The following SPMAP2 variants were observed in gnomAD, a reference collection of about 807,000 sequenced individuals.
SPMAP2 encodes the protein Theg homolog.
the SPMAP2 span, chr19:367,044 T>C: frequency 6.2e-7 from 1 of 1,612,536 alleles, no homozygotes; most frequent in South Asian, 1.1e-5. Flanking sequence ...AGGAAATGCC[T>C]AGCCTGAGGC....
At chr19:372,670 C>T in the SPMAP2 span, 88 of 1,613,932 alleles carry the variant, frequency 5.5e-5, no homozygotes, top group African/African-American at 1.2e-4. Context: ...TCTCTTGGGC[C>T]GAGACAGTTC....
chr19:367,012 C>G, the SPMAP2 span: 1 of 1,589,202 alleles, frequency 6.3e-7, no homozygotes, highest in Non-Finnish European at 8.6e-7. Context: ...TAAGGTGTCC[C>G]TTGGGATCTG....
At chr19:372,836 A>G in the SPMAP2 span, 1 of 780,856 alleles carries the variant, frequency 1.3e-6, no homozygotes, top group African/African-American at 1.7e-5. Context: ...GGCAGAGACA[A>G]CTGGGGGCCA....
the SPMAP2 span, chr19:362,283 C>T: frequency 0.029 from 46,248 of 1,602,634 alleles, 1,606 homozygotes; most frequent in East Asian, 0.19. Flanking sequence ...GGACGCCTGT[C>T]GTATCCCTCG....
chr19:364,198 G>A, the SPMAP2 span, among the ~76,000 whole-genome samples: 34 of 150,800 alleles, frequency 2.3e-4, no homozygotes, highest in Non-Finnish European at 4.1e-4. Flanking sequence ...TTAGCCGGGC[G>A]TGGTGGCGGC....
the SPMAP2 span, chr19:371,398 G>GTC: frequency 1.7e-6 from 1 of 592,250 alleles, no homozygotes; most frequent in South Asian, 4.5e-5. Context: ...GTGTGTGTGT[G>GTC]TGTGTGTATG....
At chr19:375,813 G>A in the SPMAP2 span, 9 of 1,609,446 alleles carry the variant, frequency 5.6e-6, no homozygotes, top group Non-Finnish European at 7.6e-6. Flanking sequence ...TCCCAGCTCT[G>A]CATTGTCCAG....
the SPMAP2 span, chr19:374,263 C>A: frequency 6.2e-7 from 1 of 1,608,818 alleles, no homozygotes; most frequent in Non-Finnish European, 8.5e-7. Flanking sequence ...GCCGCCCACG[C>A]TGCCCCTACG....
At chr19:364,363 A>G in the SPMAP2 span, among the ~76,000 whole-genome samples, 1 of 151,238 alleles carries the variant, frequency 6.6e-6, no homozygotes, top group Non-Finnish European at 1.5e-5. Context: ...AAAAGAAAGA[A>G]AAAAAAAGAA....
At chr19:362,431 T>G in the SPMAP2 span, 2 of 1,596,126 alleles carry the variant, frequency 1.3e-6, no homozygotes, top group South Asian at 2.3e-5. Flanking sequence ...TGGGCCCTAG[T>G]GGGGGCAGAA....
At chr19:363,735 A>T in the SPMAP2 span, among the ~76,000 whole-genome samples, 10 of 151,200 alleles carry the variant, frequency 6.6e-5, no homozygotes, top group Admixed American at 2.0e-4. Context: ...GGGTTTCACC[A>T]TGTTGGCCAG....
At chr19:374,308 A>G in the SPMAP2 span, 48 of 1,614,018 alleles carry the variant, frequency 3.0e-5, no homozygotes, top group African/African-American at 5.6e-4. Flanking sequence ...CCTGTCTTTC[A>G]GGACTTGCCA....
chr19:362,300 C>T, the SPMAP2 span: 2 of 1,608,420 alleles, frequency 1.2e-6, no homozygotes, highest in Non-Finnish European at 1.7e-6. Context: ...CTCGTTGAGG[C>T]CCTTGCGCAC....
the SPMAP2 span, among the ~76,000 whole-genome samples, chr19:368,634 C>G: frequency 6.6e-6 from 1 of 152,328 alleles, no homozygotes; most frequent in African/African-American, 2.4e-5. This position sits in a 1 kb window ranked among gnomAD's most constrained non-coding sequence, Gnocchi z 4.1. Flanking sequence ...AACTCTAGAG[C>G]CTGCGTGGAG....
chr19:364,329 T>A, the SPMAP2 span, among the ~76,000 whole-genome samples: 56 of 110,990 alleles, frequency 5.0e-4, no homozygotes, highest in Non-Finnish European at 4.1e-4. Flanking sequence ...AGAGCGAAGC[T>A]CTGTCTCAAA....
chr19:361,801 G>A, the SPMAP2 span: 3 of 86,068 alleles, frequency 3.5e-5, no homozygotes, highest in Admixed American at 2.5e-4. Flanking sequence ...TGTGGCTGTC[G>A]TTCCGACTCC....
At chr19:367,863 A>G in the SPMAP2 span, among the ~76,000 whole-genome samples, 2 of 151,968 alleles carry the variant, frequency 1.3e-5, no homozygotes, top group African/African-American at 2.4e-5. Flanking sequence ...CAGCAATTAG[A>G]CCATTTTTTT....
chr19:366,978 C>T, the SPMAP2 span: 4 of 1,428,074 alleles, frequency 2.8e-6, no homozygotes, highest in Non-Finnish European at 3.8e-6. Flanking sequence ...GAGAGCTTCC[C>T]TCTGCCCGCT....
At chr19:375,835 C>T in the SPMAP2 span, 63 of 1,605,058 alleles carry the variant, frequency 3.9e-5, 1 homozygote, top group Non-Finnish European at 4.6e-5. Flanking sequence ...TCCTGGCGTT[C>T]GGGGTCTGTG....
Sources: allele counts gnomAD v4.1 joint callset (sites outside exome capture counted in the v4.1 genomes callset), GRCh38; gene constraint gnomAD v4.1.1; non-coding constraint Gnocchi (gnomAD v3.1); transcripts MANE v1.5; gene names NCBI Gene and HGNC (gene_info 2026-07-23, HGNC 2026-07-21).